CLDN16: variants seen among roughly 807,000 people sequenced by gnomAD.
The protein encoded by CLDN16 is claudin-16.
A neutral mutation model predicts 24.6 loss-of-function variants in CLDN16; 13 were observed. That is an observed-to-expected ratio of 0.53 (90% CI 0.34 to 0.84). The LOEUF (loss-of-function observed/expected upper bound fraction) is 0.84, where lower values mean the gene tolerates loss of function less well. Ranked by LOEUF, CLDN16 falls within the 40% of genes least tolerant of loss-of-function variation. The pLI is 0.01. For missense variants in CLDN16, 298 were observed against 292.7 expected (o/e 1.02, Z -0.13); for synonymous variants, 116 against 106.7 (o/e 1.09, Z -0.54).
chr3:190,332,867 A>C (rs1311577738), intron 1 of CLDN16, among the ~76,000 whole-genome samples: 2 of 152,070 alleles, frequency 1.3e-5, no homozygotes, highest in African/African-American at 4.8e-5. Context: ...CCAGAAACTG[A>C]TGGCATACAC....
intron 1 of CLDN16, among the ~76,000 whole-genome samples, chr3:190,343,352 T>G (rs146026362): frequency 3.7e-4 from 57 of 152,204 alleles, no homozygotes; most frequent in African/African-American, 1.3e-3. Context: ...CTTGTACACT[T>G]TTGGGAATGT....
intron 1 of CLDN16, among the ~76,000 whole-genome samples, chr3:190,349,395 C>G (rs1297042811): frequency 6.6e-6 from 1 of 152,186 alleles, no homozygotes. Context: ...CTGAGGCCCC[C>G]CAGCCATGCT....
chr3:190,323,025 C>CAA (rs113440203), intron 1 of CLDN16, among the ~76,000 whole-genome samples: 14,188 of 151,498 alleles, frequency 0.094, 816 homozygotes, highest in East Asian at 0.22. Context: ...CACACACACA[C>CAA]ACAGACACAC....
At chr3:190,326,520 C>T (rs535736213) in intron 1 of CLDN16, among the ~76,000 whole-genome samples, 1 of 152,260 alleles carries the variant, frequency 6.6e-6, no homozygotes, top group South Asian at 2.1e-4. Context: ...GGATAGTTTC[C>T]CTGGTTAGGA....
At chr3:190,348,890 C>T (rs534771398) in intron 1 of CLDN16, among the ~76,000 whole-genome samples, 1 of 152,266 alleles carries the variant, frequency 6.6e-6, no homozygotes, top group East Asian at 1.9e-4. Flanking sequence ...TCATTTAGCT[C>T]CCACTTATAA....
In CLDN16 at chr3:190,388,203, A is replaced by C; in HGVS notation, c.-127A>C. 1 of 1,614,114 alleles carries C rather than the reference A, an allele frequency of 6.2e-7. No homozygotes were observed. The highest frequency in any genetic ancestry group is 8.5e-7 in the Non-Finnish European group (1 of 1,180,012). On this transcript the variant is annotated 5_prime_UTR_variant, in exon 1 of 5. Transcript: ENST00000264734. ...CAAGACACCTGCAGCAGGGCGTGAG[A>C]AAAAGTAAAAGACCAGTATTTTCAC...
At chr3:190,364,212 A>G (rs757615481) in intron 1 of CLDN16, among the ~76,000 whole-genome samples, 1 of 151,320 alleles carries the variant, frequency 6.6e-6, no homozygotes, top group African/African-American at 2.4e-5. Flanking sequence ...TTGCAGTGGT[A>G]TATGGCTTGG....
intron 1 of CLDN16, among the ~76,000 whole-genome samples, chr3:190,366,688 A>G (rs1200435612): frequency 6.6e-6 from 1 of 151,920 alleles, no homozygotes; most frequent in Non-Finnish European, 1.5e-5. Flanking sequence ...AGTTGACCCA[A>G]ACTGGGGGAA....
intron 3 of CLDN16, among the ~76,000 whole-genome samples, chr3:190,377,057 C>G (rs1247813048): frequency 1.3e-5 from 2 of 151,804 alleles, no homozygotes. Context: ...ATCTTCCAGG[C>G]AACGGGAAGA....
intron 1 of CLDN16, among the ~76,000 whole-genome samples, chr3:190,339,809 A>G (rs564708131): frequency 2.0e-4 from 30 of 152,222 alleles, no homozygotes; most frequent in Non-Finnish European, 4.4e-5. Context: ...TAGTTGTTAT[A>G]AAAGTCAAAA....
chr3:190,358,805 G>C (rs1717830289), intron 1 of CLDN16, among the ~76,000 whole-genome samples: 1 of 151,912 alleles, frequency 6.6e-6, no homozygotes, highest in South Asian at 2.1e-4. Flanking sequence ...ATCCAATTCT[G>C]CTGCAGACCA....
At chr3:190,400,826 A>G (rs1718943200) in intron 1 of CLDN16, among the ~76,000 whole-genome samples, 1 of 152,132 alleles carries the variant, frequency 6.6e-6, no homozygotes, top group East Asian at 1.9e-4. Context: ...ATAAATGCCC[A>G]GTAGTGAGAT....
At chr3:190,404,275 A>C (rs1719032900) in intron 2 of CLDN16, among the ~76,000 whole-genome samples, 1 of 152,144 alleles carries the variant, frequency 6.6e-6, no homozygotes, top group African/African-American at 2.4e-5. Flanking sequence ...AACTGGCAAA[A>C]AGAAGTCTTG....
intron 1 of CLDN16, among the ~76,000 whole-genome samples, chr3:190,399,329 C>G (rs1194090533): frequency 6.9e-6 from 1 of 145,448 alleles, no homozygotes; most frequent in East Asian, 2.0e-4. Context: ...CATGGGGAAA[C>G]CCCGTCTCTA....
chr3:190,322,384 C>T (rs1716953274), upstream of CLDN16: 3 of 645,576 alleles, frequency 4.6e-6, no homozygotes, highest in South Asian at 3.6e-5. Flanking sequence ...GGTCCGCGCC[C>T]GGGGCGGCGC....
chr3:190,380,269 C>CCTTT (rs1718342769), intron 3 of CLDN16, among the ~76,000 whole-genome samples: 1 of 84,774 alleles, frequency 1.2e-5, no homozygotes, highest in African/African-American at 4.7e-5. Flanking sequence ...TTCCTTCCTT[C>CCTTT]CTTCTGTTTT....
At chr3:190,349,461 G>T (rs543198562) in intron 1 of CLDN16, among the ~76,000 whole-genome samples, 2 of 152,236 alleles carry the variant, frequency 1.3e-5, no homozygotes, top group East Asian at 3.9e-4. Flanking sequence ...AAATTACCCA[G>T]GCTCAGGTAG....
intron 1 of CLDN16, among the ~76,000 whole-genome samples, chr3:190,392,059 C>CTTTTTTTTTTTT (rs35220103): frequency 8.7e-5 from 11 of 126,074 alleles, no homozygotes; most frequent in Non-Finnish European, 1.3e-4. Flanking sequence ...CCTTTTCAGT[C>CTTTTTTTTTTTT]TTTTTTTTTT....
At chr3:190,302,851 A>G in the CLDN16 span, among the ~76,000 whole-genome samples, 1 of 151,136 alleles carries the variant, frequency 6.6e-6, no homozygotes, top group Non-Finnish European at 1.5e-5. Flanking sequence ...AGAGTATATT[A>G]CCATATACTG....
Sources: gnomAD v4.1 joint callset for allele counts (sites outside exome capture counted in the v4.1 genomes callset) on GRCh38, gnomAD v4.1.1 for gene constraint, MANE v1.5 for transcripts, NCBI Gene and HGNC (gene_info 2026-07-23, HGNC 2026-07-21) for gene names.